Variants in SGCZ observed in about 807,000 individuals in gnomAD.
The protein encoded by SGCZ is zeta-sarcoglycan.
SGCZ carries 40 observed loss-of-function variants against 41.3 expected under a neutral mutation model. The ratio of observed to expected loss-of-function variants is 0.97; its 90% confidence interval spans 0.75 to 1.26. SGCZ has a LOEUF of 1.26. Among genes scored for constraint, SGCZ ranks in the 50% most tolerant of loss-of-function variants. The pLI is 0.00. For missense variants in SGCZ, 552 were observed against 369.8 expected (o/e 1.49, Z -4.04); for synonymous variants, 206 against 137.5 (o/e 1.50, Z -3.49).
At chr8:14,886,983 G>C (rs976263514) in intron 1 of SGCZ, among the ~76,000 whole-genome samples, 3 of 152,112 alleles carry the variant, frequency 2.0e-5, no homozygotes, top group Non-Finnish European at 4.4e-5. Flanking sequence ...GAATCAAGAG[G>C]TCAACGATGA....
chr8:14,548,548 T>C (rs1227815997), intron 2 of SGCZ, among the ~76,000 whole-genome samples: 5 of 152,146 alleles, frequency 3.3e-5, no homozygotes, highest in African/African-American at 1.2e-4. Flanking sequence ...GGAGTCTATG[T>C]TCTATCAAAA....
chr8:14,807,701 G>T (rs528370500), intron 1 of SGCZ, among the ~76,000 whole-genome samples: 6 of 151,648 alleles, frequency 4.0e-5, no homozygotes, highest in African/African-American at 1.2e-4. Context: ...AGCTACCAAT[G>T]CCTTTCTTCA....
Position 15,073,714 on chromosome 8 carries a change from C to T in SGCZ, c.39+163871G>A, listed in dbSNP as rs1489524338. Among the ~76,000 whole-genome samples the T allele has an allele frequency of 4.3e-4, 65 of 152,198 alleles. 1 individual carries two copies. The highest frequency in any genetic ancestry group is 4.3e-3 in the Admixed American group (65 of 15,274). ...AACTCTGCCTGAGCTTCCAGCCTTG[C>T]TAGCTTACCCTTGACCCTGCTGTCC... On this transcript the variant is annotated intron_variant, in intron 1 of 7. Transcript: ENST00000382080.
At chr8:15,158,844 T>C (rs183107803) in intron 1 of SGCZ, among the ~76,000 whole-genome samples, 1 of 152,174 alleles carries the variant, frequency 6.6e-6, no homozygotes, top group Non-Finnish European at 1.5e-5. Flanking sequence ...CTAGAAATAT[T>C]ATGTGAAGTC....
intron 1 of SGCZ, among the ~76,000 whole-genome samples, chr8:14,985,096 C>T (rs749379729): frequency 2.6e-5 from 4 of 152,022 alleles, no homozygotes; most frequent in African/African-American, 7.2e-5. Context: ...TGGTCAAATA[C>T]GAAAGAATGA....
At chr8:14,700,291 T>A (rs1809095150) in intron 1 of SGCZ, among the ~76,000 whole-genome samples, 1 of 152,010 alleles carries the variant, frequency 6.6e-6, no homozygotes, top group African/African-American at 2.4e-5. Flanking sequence ...AAACATGAAA[T>A]CATGTCCTTT....
chr8:14,093,257 G>T lies in SGCZ; in HGVS notation c.745-2620C>A, dbSNP rs193085678. On this transcript the variant is annotated intron_variant, in intron 7 of 7. Coordinates refer to ENST00000382080, the MANE Select transcript of SGCZ (RefSeq NM_139167.4). ...GACTCCTGTGATAGTCCCCTATCTGGCCTCCTGGTGGCCGATTTTTGTCCT... is the reference window on the plus strand; with the variant it reads ...GACTCCTGTGATAGTCCCCTATCTGTCCTCCTGGTGGCCGATTTTTGTCCT... 8.2e-3 allele frequency among the ~76,000 whole-genome samples: 1,208 copies of T among 146,706 alleles called. 17 individuals are homozygous for T. The highest frequency in any genetic ancestry group is 0.031 in the African/African-American group (1,149 of 36,522).
chr8:14,401,972 T>C (rs1204867920), intron 2 of SGCZ, among the ~76,000 whole-genome samples: 6 of 151,760 alleles, frequency 4.0e-5, no homozygotes, highest in African/African-American at 1.5e-4. Flanking sequence ...TTTTTAATGA[T>C]TGCCATTCTA....
intron 1 of SGCZ, among the ~76,000 whole-genome samples, chr8:14,957,284 T>G (rs190439493): frequency 6.6e-6 from 1 of 152,212 alleles, no homozygotes; most frequent in Non-Finnish European, 1.5e-5. Context: ...AATATAAATT[T>G]TCATCTTCTT....
chr8:15,191,632 G>C (rs1271268935), intron 1 of SGCZ, among the ~76,000 whole-genome samples: 1 of 151,900 alleles, frequency 6.6e-6, no homozygotes, highest in Non-Finnish European at 1.5e-5. Context: ...GAAATACATA[G>C]AGAAAACAGA....
At chr8:15,152,821 C>T (rs969114286) in intron 1 of SGCZ, among the ~76,000 whole-genome samples, 2 of 152,156 alleles carry the variant, frequency 1.3e-5, no homozygotes, top group African/African-American at 4.8e-5. Flanking sequence ...CTCCTAAGTA[C>T]CTATATCAGA....
At chr8:14,165,803 A>T (rs1209679133) in intron 4 of SGCZ, among the ~76,000 whole-genome samples, 1 of 152,142 alleles carries the variant, frequency 6.6e-6, no homozygotes, top group Non-Finnish European at 1.5e-5. Context: ...TTTGTATTCC[A>T]AAACATCCTT....
At chr8:14,270,084 C>A (rs1469472268) in intron 3 of SGCZ, among the ~76,000 whole-genome samples, 2 of 152,056 alleles carry the variant, frequency 1.3e-5, no homozygotes, top group Non-Finnish European at 2.9e-5. Context: ...ATAATCCCGG[C>A]ACTTTGGGAG....
intron 2 of SGCZ, among the ~76,000 whole-genome samples, chr8:14,470,546 C>T (rs1351641489): frequency 2.6e-5 from 4 of 151,946 alleles, no homozygotes; most frequent in Non-Finnish European, 4.4e-5. Context: ...ATATTCCTAA[C>T]CCCAGTTTTC....
At chr8:14,100,754 A>G (rs1801995365) in intron 7 of SGCZ, among the ~76,000 whole-genome samples, 2 of 151,816 alleles carry the variant, frequency 1.3e-5, no homozygotes, top group Admixed American at 6.6e-5. Flanking sequence ...TTCATCTTGA[A>G]TTAATAACTG....
chr8:14,693,576 G>C (rs1327556623), intron 1 of SGCZ, among the ~76,000 whole-genome samples: 1 of 128,346 alleles, frequency 7.8e-6, no homozygotes, highest in African/African-American at 2.9e-5. Context: ...CAGCTACCAC[G>C]ACTGGCTTTT....
intron 2 of SGCZ, among the ~76,000 whole-genome samples, chr8:14,327,525 C>T (rs111839548): frequency 1.3e-5 from 2 of 152,100 alleles, no homozygotes; most frequent in African/African-American, 2.4e-5. Context: ...GAAACTAGTT[C>T]TAACACAATT....
Position 14,534,735 on chromosome 8 carries a change from T to A in SGCZ, c.234+19997A>T, listed in dbSNP as rs17119718. Among the ~76,000 whole-genome samples the A allele has an allele frequency of 2.0e-5, 3 of 151,862 alleles. No individual in the cohort carries two copies. The East Asian group carries it at 5.8e-4, about 29-fold the overall frequency. Reference sequence around the variant, plus strand: ...CACCTTCAAACCAAGTATAAACTCATTGAAAGAAAGTACAACTTTTATGTC... The same window carrying A: ...CACCTTCAAACCAAGTATAAACTCAATGAAAGAAAGTACAACTTTTATGTC... On this transcript the variant is annotated intron_variant, in intron 2 of 7. Coordinates refer to ENST00000382080, the MANE Select transcript of SGCZ (RefSeq NM_139167.4).
intron 4 of SGCZ, among the ~76,000 whole-genome samples, chr8:14,220,121 T>A (rs961052283): frequency 1.3e-5 from 2 of 152,114 alleles, no homozygotes; most frequent in Non-Finnish European, 2.9e-5. Context: ...TAGTTATATA[T>A]CAAAAAGATG....
Sources: gnomAD v4.1 joint callset for allele counts (sites outside exome capture counted in the v4.1 genomes callset) on GRCh38, gnomAD v4.1.1 for gene constraint, MANE v1.5 for transcripts, NCBI Gene and HGNC (gene_info 2026-07-23, HGNC 2026-07-21) for gene names.